The following NRXN1 variants were observed in gnomAD, a reference collection of about 807,000 sequenced individuals.
NRXN1 encodes neurexin 1, also known as neurexin-1.
NRXN1 carries 39 observed loss-of-function variants against 150.9 expected under a neutral mutation model. The observed-to-expected ratio is 0.26, with a 90% CI of 0.20 to 0.34. The LOEUF (loss-of-function observed/expected upper bound fraction) is 0.34. NRXN1 is among the 10% of genes least tolerant of loss of function. The probability of loss-of-function intolerance (pLI) is 1.00; values close to 1 mark genes in which losing one functional copy is unlikely to be tolerated. For missense variants in NRXN1, 1,815 were observed against 1,949.9 expected (o/e 0.93, Z 1.30); for synonymous variants, 924 against 757.0 (o/e 1.22, Z -3.62).
intron 17 of NRXN1, among the ~76,000 whole-genome samples, chr2:50,320,328 A>G (rs1379928552): frequency 2.6e-5 from 3 of 115,334 alleles, no homozygotes; most frequent in Admixed American, 1.8e-4. Context: ...ATATATATAT[A>G]GTATATGATT....
chr2:50,739,883 T>C (rs1699223936), intron 5 of NRXN1, among the ~76,000 whole-genome samples: 1 of 152,144 alleles, frequency 6.6e-6, no homozygotes, highest in African/African-American at 2.4e-5. Context: ...TGAAACATAA[T>C]AGAATTTGGT....
intron 18 of NRXN1, among the ~76,000 whole-genome samples, chr2:50,196,416 A>T (rs2061770304): frequency 6.6e-6 from 1 of 152,144 alleles, no homozygotes; most frequent in African/African-American, 2.4e-5. Flanking sequence ...TTTGTACCTC[A>T]TCAAATTTTA....
In NRXN1 at chr2:50,472,529, C is replaced by T. The variant is rs79957110; in HGVS notation, c.3071-58G>A. The T allele has an allele frequency of 1.2e-3, 1,607 of 1,376,508 alleles. 14 individuals carry two copies. The African/African-American group carries it at 0.016, about 14-fold the overall frequency. The allele number at this position is 1,376,508 out of a possible 1,614,324, so 85.3% of individuals were successfully genotyped here. ...TACCATGTCATTGACTTTAAACACA[C>T]AGTAGGATGGAGAAAAAACAGGGAG... On this transcript the variant is annotated intron_variant, in intron 15 of 22. Coordinates refer to ENST00000401669, the MANE Select transcript of NRXN1 (RefSeq NM_001330078.2).
At chr2:50,539,242 AAAT>A in intron 9 of NRXN1, among the ~76,000 whole-genome samples, 1 of 152,358 alleles carries the variant, frequency 6.6e-6, no homozygotes, top group East Asian at 1.9e-4. Context: ...GTGTTAAACA[AAAT>A]AATACTAGTA....
chr2:50,874,982 G>C (rs1411536822), intron 5 of NRXN1, among the ~76,000 whole-genome samples: 1 of 151,794 alleles, frequency 6.6e-6, no homozygotes, highest in East Asian at 1.9e-4. Context: ...AGCCCCATCA[G>C]TTGTCCATAC....
chr2:49,956,666 G>A (rs1270899853), intron 21 of NRXN1, among the ~76,000 whole-genome samples: 1 of 152,116 alleles, frequency 6.6e-6, no homozygotes, highest in Non-Finnish European at 1.5e-5. Flanking sequence ...ATTTAGGGAA[G>A]AGAATTACAT....
At chr2:50,659,235 T>G (rs1422420927) in intron 5 of NRXN1, among the ~76,000 whole-genome samples, 1 of 152,100 alleles carries the variant, frequency 6.6e-6, no homozygotes, top group South Asian at 2.1e-4. Flanking sequence ...GGCCAGTGCA[T>G]GTTTTTATGC....
chr2:50,731,466 ATGTT>A (rs1271709451), intron 5 of NRXN1, among the ~76,000 whole-genome samples: 4 of 152,220 alleles, frequency 2.6e-5, no homozygotes, highest in Non-Finnish European at 5.9e-5. Context: ...TCAGAAAAAA[ATGTT>A]ATCCGGCAGA....
chr2:50,125,589 G>A lies in NRXN1; in HGVS notation c.3547-34095C>T, dbSNP rs561420220. On this transcript the variant is annotated intron_variant, in intron 18 of 22. Coordinates refer to ENST00000401669, the MANE Select transcript of NRXN1 (RefSeq NM_001330078.2). Reference sequence around the variant, plus strand: ...TGACAAGAGAGCAAAGATAAATCACGTTTCCTTCCATAAAAACATTAAGAT... The same window carrying A: ...TGACAAGAGAGCAAAGATAAATCACATTTCCTTCCATAAAAACATTAAGAT... 7.9e-5 allele frequency among the ~76,000 whole-genome samples: 12 copies of A among 152,028 alleles called. No individual in the cohort carries two copies. The South Asian group carries it at 1.9e-3, about 24-fold the overall frequency.
intron 5 of NRXN1, among the ~76,000 whole-genome samples, chr2:50,813,271 CAATA>C (rs1668483054): frequency 6.6e-6 from 1 of 152,104 alleles, no homozygotes; most frequent in East Asian, 1.9e-4. Flanking sequence ...AATTTACTAT[CAATA>C]AATATTTTTA....
At chr2:50,600,217 C>T (rs972682410) in intron 8 of NRXN1, among the ~76,000 whole-genome samples, 7 of 151,336 alleles carry the variant, frequency 4.6e-5, no homozygotes, top group African/African-American at 1.7e-4. Flanking sequence ...ATTGTAGTTA[C>T]ATCCTTCCAG....
At chr2:50,569,922 G>T (rs1019826615) in intron 8 of NRXN1, among the ~76,000 whole-genome samples, 1 of 152,072 alleles carries the variant, frequency 6.6e-6, no homozygotes, top group Non-Finnish European at 1.5e-5. Flanking sequence ...CACTGTGAAG[G>T]ATTATAAAAA....
chr2:50,199,506 GCT>G lies in NRXN1; in HGVS notation c.3546+37281_3546+37282del, dbSNP rs568998450. 2.7e-5 allele frequency among the ~76,000 whole-genome samples: 4 copies of G among 148,668 alleles called. No homozygotes were observed. The South Asian group carries it at 8.6e-4, about 32-fold the overall frequency. ...AAAGTGCATGTATGCCAAAGTAATC[GCT>G]CTCTCTCTTACTCATTCTCTCTTTC... On this transcript the variant is annotated intron_variant, in intron 18 of 22. Transcript: ENST00000401669.
chr2:50,608,945 C>T (rs1677579746), intron 8 of NRXN1, among the ~76,000 whole-genome samples: 1 of 151,784 alleles, frequency 6.6e-6, no homozygotes, highest in African/African-American at 2.4e-5. Flanking sequence ...ACAAGGTACC[C>T]ATATTTAAAA....
intron 17 of NRXN1, among the ~76,000 whole-genome samples, chr2:50,363,553 G>A (rs1444219755): frequency 4.6e-5 from 7 of 152,092 alleles, no homozygotes; most frequent in African/African-American, 7.2e-5. Flanking sequence ...ACCATCTCAC[G>A]CCAGTTAGAA....
intron 5 of NRXN1, among the ~76,000 whole-genome samples, chr2:50,831,239 T>G (rs1224641487): frequency 6.6e-6 from 1 of 152,204 alleles, no homozygotes; most frequent in South Asian, 2.1e-4. Context: ...TACAACTTCA[T>G]GCAACAAGGA....
At chr2:50,863,496 G>A (rs1163374309) in intron 5 of NRXN1, among the ~76,000 whole-genome samples, 1 of 151,936 alleles carries the variant, frequency 6.6e-6, no homozygotes, top group Admixed American at 6.6e-5. Flanking sequence ...GATTTTAGCA[G>A]AGTGAAGGAC....
intron 9 of NRXN1, among the ~76,000 whole-genome samples, chr2:50,549,866 T>C (rs1433507013): frequency 6.6e-6 from 1 of 152,192 alleles, no homozygotes; most frequent in Non-Finnish European, 1.5e-5. Flanking sequence ...TGTGAGTATG[T>C]GTATATGTGC....
At chr2:50,425,731 T>A (rs968850264) in intron 17 of NRXN1, among the ~76,000 whole-genome samples, 1 of 152,154 alleles carries the variant, frequency 6.6e-6, no homozygotes, top group Non-Finnish European at 1.5e-5. Context: ...CTTGTGAGTT[T>A]GATCTAAGGG....
Sources: gnomAD v4.1 joint callset for allele counts (sites outside exome capture counted in the v4.1 genomes callset) on GRCh38, gnomAD v4.1.1 for gene constraint, MANE v1.5 for transcripts, NCBI Gene and HGNC (gene_info 2026-07-23, HGNC 2026-07-21) for gene names.